Variants in XDH observed in about 807,000 individuals in gnomAD.
The protein encoded by XDH is xanthine dehydrogenase/oxidase.
In XDH, 138 loss-of-function variants were observed where a neutral mutation model predicts 156.1. The ratio of observed to expected loss-of-function variants is 0.88; its 90% CI spans 0.77 to 1.02. XDH has a LOEUF of 1.02. Ranked by LOEUF, XDH falls within the 50% of genes least tolerant of loss-of-function variation. The pLI is 0.00. For synonymous variants in XDH, 669 were observed against 625.7 expected (o/e 1.07, Z -1.03); for missense variants, 1,849 against 1,684.9 (o/e 1.10, Z -1.71).
intron 1 of XDH, among the ~76,000 whole-genome samples, chr2:31,406,917 A>G (rs1687204685): frequency 6.6e-6 from 1 of 152,242 alleles, no homozygotes; most frequent in African/African-American, 2.4e-5. Context: ...CCAAAGATCC[A>G]TCACTAGGTT....
intron 18 of XDH, among the ~76,000 whole-genome samples, 186 bp downstream of exon 18, chr2:31,370,169 C>A (rs1315490021): frequency 6.6e-6 from 1 of 152,204 alleles, no homozygotes; most frequent in African/African-American, 2.4e-5. Flanking sequence ...AAACAGCAGC[C>A]ATCAATTAAA....
chr2:31,344,853 G>T, intron 30 of XDH, 117 bp from the exon 31 acceptor site: 1 of 1,048,932 alleles, frequency 9.5e-7, no homozygotes, highest in South Asian at 1.3e-5. Context: ...TTTTACTAGT[G>T]ACTCCCATTT....
intron 10 of XDH, 58 bp from the exon 11 acceptor site, chr2:31,383,210 A>G (rs1366789828): frequency 1.7e-5 from 27 of 1,612,768 alleles, no homozygotes; most frequent in Non-Finnish European, 2.0e-5. Context: ...AGAGGCTTTC[A>G]TGCACAGCTC....
chr2:31,380,801 G>A (rs1158046715), intron 12 of XDH, among the ~76,000 whole-genome samples: 1 of 152,102 alleles, frequency 6.6e-6, no homozygotes, highest in East Asian at 1.9e-4. Flanking sequence ...GTGGTCTTGG[G>A]GACCCTCTGA....
At chr2:31,365,626 G>C in intron 22 of XDH, 82 bp from the exon 23 acceptor site, 1 of 1,538,844 alleles carries the variant, frequency 6.5e-7, no homozygotes, top group South Asian at 1.1e-5. Context: ...AAAACAGCCG[G>C]GAAGCCATCT....
intron 16 of XDH, among the ~76,000 whole-genome samples, chr2:31,372,642 T>C (rs1031788536): frequency 1.3e-5 from 2 of 152,218 alleles, no homozygotes; most frequent in South Asian, 4.1e-4. Context: ...TAATTGGGGA[T>C]TGGGTAAATA....
At chr2:31,376,655 G>A (rs1290814686) in intron 14 of XDH, among the ~76,000 whole-genome samples, 1 of 149,838 alleles carries the variant, frequency 6.7e-6, no homozygotes, top group African/African-American at 2.4e-5. Context: ...TTGCAGCAGT[G>A]ATCATAGCTG....
In XDH at chr2:31,405,979, G is replaced by A. The variant is rs1298209448; in HGVS notation, c.43-15C>T. 6.2e-6 allele frequency: 10 copies of A among 1,613,564 alleles called. No individual in the cohort carries two copies. The African/African-American group carries it at 1.2e-4, about 19-fold the overall frequency. On this transcript the variant is annotated splice_polypyrimidine_tract_variant and intron_variant, in intron 1 of 35. Transcript: ENST00000379416. Reference sequence around the variant, plus strand: ...TTCTCCACCACCTATTAAAATAAATGAAAGAAAAATATATCATAGGTATAC... The same window carrying A: ...TTCTCCACCACCTATTAAAATAAATAAAAGAAAAATATATCATAGGTATAC...
At chr2:31,370,880 A>G (rs1686052817) in intron 17 of XDH, among the ~76,000 whole-genome samples, 1 of 152,200 alleles carries the variant, frequency 6.6e-6, no homozygotes, top group Non-Finnish European at 1.5e-5. Flanking sequence ...GCCTCTTTGG[A>G]TGTTACGTGA....
At position 31,367,941 on chromosome 2, in the gene XDH, G is replaced by A. The variant is rs1685964807; in HGVS notation, c.2197+20C>T. ...AAACCAGGGCCACCCCATTCCCACT[G>A]CGGCATGGAACAGCTCTACCTGACA... On this transcript the variant is annotated intron_variant, in intron 20 of 35. Transcript: ENST00000379416. The A allele has an allele frequency of 1.2e-6, 2 of 1,611,484 alleles. No homozygotes were observed. The highest frequency in any genetic ancestry group is 1.3e-5 in the African/African-American group (1 of 74,990).
intron 30 of XDH, among the ~76,000 whole-genome samples, chr2:31,346,350 G>C (rs952514203): frequency 1.3e-5 from 2 of 152,188 alleles, no homozygotes; most frequent in Non-Finnish European, 2.9e-5. Flanking sequence ...CGCTGTCACA[G>C]AGGGAATCTC....
At chr2:31,387,185 G>A (rs999073367) in intron 8 of XDH, among the ~76,000 whole-genome samples, 9 of 152,196 alleles carry the variant, frequency 5.9e-5, no homozygotes, top group Non-Finnish European at 1.0e-4. Context: ...GTGGCCTGCT[G>A]CAAAGCCATT....
chr2:31,364,872 T>G (rs529885087), intron 23 of XDH, among the ~76,000 whole-genome samples: 4 of 152,176 alleles, frequency 2.6e-5, no homozygotes, highest in Non-Finnish European at 5.9e-5. Flanking sequence ...GGCCAATTCA[T>G]GGAGAGAGGG....
At chr2:31,388,397 C>A (rs1416288692) in intron 6 of XDH, 102 bp from the exon 7 acceptor site, 23 of 1,309,448 alleles carry the variant, frequency 1.8e-5, no homozygotes, top group Non-Finnish European at 2.4e-5. Flanking sequence ...AGCTCTGACG[C>A]CTGTCCCAGC....
Position 31,347,576 on chromosome 2 carries a change from G to T in XDH, c.3222C>A (p.Asn1074Lys). The T allele has an allele frequency of 6.2e-7, 1 of 1,614,176 alleles. No homozygotes were observed. The change falls in exon 29 of 36, where the codon AAC becomes AAA. Residue 1074 changes from asparagine (N) to lysine (K), a missense_variant. Physicochemically the swap from Asn to Lys is moderately conservative, Grantham distance 94. Transcript: ENST00000379416. ...ISETSTNTVP[N>K]TSPTAASVSA... Reference sequence around the variant, plus strand: ...TGACAGAGGCAGCCGTGGGAGAGGTGTTGGGCACAGTGTTAGTGCTTGTCT... The same window carrying T: ...TGACAGAGGCAGCCGTGGGAGAGGTTTTGGGCACAGTGTTAGTGCTTGTCT...
chr2:31,378,621 G>A (rs1416120911), intron 13 of XDH, among the ~76,000 whole-genome samples: 1 of 152,150 alleles, frequency 6.6e-6, no homozygotes, highest in Non-Finnish European at 1.5e-5. Flanking sequence ...TTCTGGAACA[G>A]AGGTCCCAGG....
chr2:31,336,802 C>A (rs2148746473), intron 35 of XDH, among the ~76,000 whole-genome samples: 1 of 7,226 alleles, frequency 1.4e-4, no homozygotes, highest in East Asian at 0.01. Context: ...ATCCAAAAAG[C>A]ATATCGAATT....
chr2:31,345,267 T>G (rs903855042), intron 30 of XDH, among the ~76,000 whole-genome samples: 8 of 152,066 alleles, frequency 5.3e-5, no homozygotes, highest in African/African-American at 9.7e-5. Flanking sequence ...CCCTCCATTC[T>G]CCCCTCCTTG....
chr2:31,383,694 C>T (rs1050251844), intron 10 of XDH, 61 bp downstream of exon 10: 8 of 1,529,810 alleles, frequency 5.2e-6, no homozygotes, highest in Non-Finnish European at 6.3e-6. Flanking sequence ...CTGCCACCCA[C>T]CTTGTAACCT....
Sources: allele counts gnomAD v4.1 joint callset (sites outside exome capture counted in the v4.1 genomes callset), GRCh38; gene constraint gnomAD v4.1.1; transcripts MANE v1.5; gene names NCBI Gene and HGNC (gene_info 2026-07-23, HGNC 2026-07-21).